MAP2K2: variants seen among roughly 807,000 people sequenced by gnomAD.
MAP2K2 encodes the protein dual specificity mitogen-activated protein kinase kinase 2.
In MAP2K2, 24 loss-of-function variants were observed where a neutral mutation model predicts 43.7. That is an observed-to-expected ratio of 0.55 (90% CI 0.40 to 0.77). The LOEUF (loss-of-function observed/expected upper bound fraction) is 0.77, where lower values mean the gene tolerates loss of function less well. Among genes scored for constraint, MAP2K2 ranks in the 30% least tolerant of loss-of-function variants. MAP2K2 has a pLI of 0.00. For synonymous variants in MAP2K2, 244 were observed against 239.7 expected, an observed-to-expected ratio of 1.02 and a Z score of -0.17; for missense variants, 470 against 566.8, an observed-to-expected ratio of 0.83 and a Z score of 1.73.
chr19:4,102,731 G>T, intron 3 of MAP2K2: 2 of 1,292,280 alleles, frequency 1.5e-6, no homozygotes, highest in South Asian at 1.5e-5. Flanking sequence ...TCCTGAGGTC[G>T]CCACGGCAGA....
At chr19:4,112,331 G>A (rs1043376337) in intron 2 of MAP2K2, among the ~76,000 whole-genome samples, 3 of 152,192 alleles carry the variant, frequency 2.0e-5, no homozygotes, top group Non-Finnish European at 2.9e-5. Flanking sequence ...GGTGCCTGGG[G>A]AGCAGCAACA....
At chr19:4,095,081 C>A (rs1220388108) in intron 9 of MAP2K2, 1 of 397,782 alleles carries the variant, frequency 2.5e-6, no homozygotes, top group East Asian at 4.3e-5. Flanking sequence ...ACAGTCAGCA[C>A]ACCAGGGGTC....
At chr19:4,097,424 T>A in intron 7 of MAP2K2, 81 bp from the exon 8 acceptor site, 1 of 1,074,078 alleles carries the variant, frequency 9.3e-7, no homozygotes, top group Non-Finnish European at 1.4e-6. Flanking sequence ...AGGGGGCTGA[T>A]CACCACCAGG....
At chr19:4,097,443 TCCA>T in intron 7 of MAP2K2, 100 bp from the exon 8 acceptor site, 1 of 847,298 alleles carries the variant, frequency 1.2e-6, no homozygotes. Flanking sequence ...GGCGCCCTCC[TCCA>T]CATGCCAGCC....
At chr19:4,111,420 G>A (rs890622831) in intron 2 of MAP2K2, among the ~76,000 whole-genome samples, 1 of 152,180 alleles carries the variant, frequency 6.6e-6, no homozygotes, top group Non-Finnish European at 1.5e-5. Context: ...GCCTTTCCCA[G>A]GAGGGAGGCA....
chr19:4,102,534 G>C (rs921291616), intron 3 of MAP2K2, 81 bp from the exon 4 acceptor site: 3 of 1,142,776 alleles, frequency 2.6e-6, no homozygotes, highest in South Asian at 2.6e-5. Context: ...CTCCCGGCGA[G>C]GGGGTGGTCT....
At position 4,093,499 on chromosome 19, in the gene MAP2K2, T is replaced by A. The variant is rs148776477; in HGVS notation, c.1092+954A>T. Among the ~76,000 whole-genome samples, 1,273 of 152,192 alleles carry A rather than the reference T, an allele frequency of 8.4e-3. 15 individuals carry two copies. Among genetic ancestry groups the A allele is most frequent in the African/African-American group, 0.029 (1,206 of 41,512 alleles). ...TGAGGTCAGGAGTTTGAGGCCAGCC[T>A]GGACAACATGGTGAAAGCCTGTTTC... On this transcript the variant is annotated intron_variant, in intron 10 of 10. Coordinates refer to ENST00000262948, the MANE Select transcript of MAP2K2 (RefSeq NM_030662.4).
At chr19:4,118,600 C>G (rs533066323) in intron 1 of MAP2K2, among the ~76,000 whole-genome samples, 2 of 151,314 alleles carry the variant, frequency 1.3e-5, no homozygotes, top group Non-Finnish European at 2.9e-5. Context: ...AACCAAAAAA[C>G]AAAAAAAACA....
At position 4,103,295 on chromosome 19, in the gene MAP2K2, T is replaced by C. The variant is rs996134260; in HGVS notation, c.451-842A>G. 16 of 979,910 alleles carry C rather than the reference T, an allele frequency of 1.6e-5. No homozygotes were observed. In the African/African-American group the frequency reaches 2.1e-4, roughly 13 times the overall value. The allele number at this position is 979,910 out of a possible 1,614,324, so 60.7% of individuals were successfully genotyped here. A position where few individuals can be genotyped will look rare whatever the true frequency, so the allele number is the denominator to read the frequency against. ...CATAAATGATGAAACAGAAATTCCA[T>C]GTCTTGCCCAAGGCTGCCTGGCAAC... On this transcript the variant is annotated intron_variant, in intron 3 of 10. Transcript: ENST00000262948.
At chr19:4,117,990 T>C (rs1381842513) in intron 1 of MAP2K2, among the ~76,000 whole-genome samples, 2 of 152,142 alleles carry the variant, frequency 1.3e-5, no homozygotes, top group African/African-American at 4.8e-5. Flanking sequence ...CAGGCTGGAA[T>C]GCAGTGGCGC....
rs563195930 is a variant in MAP2K2 at position 4,120,505 on chromosome 19, C to T, written c.93-2876G>A. On this transcript the variant is annotated intron_variant, in intron 1 of 10. Coordinates refer to ENST00000262948, the MANE Select transcript of MAP2K2 (RefSeq NM_030662.4). Reference sequence around the variant, plus strand: ...ATTTTTTTGGCATTTTTAATAGAGACGGGGTTTTGCCATGTTGGCCAGGTT... The same window carrying T: ...ATTTTTTTGGCATTTTTAATAGAGATGGGGTTTTGCCATGTTGGCCAGGTT... 2.6e-5 allele frequency among the ~76,000 whole-genome samples: 4 copies of T among 152,172 alleles called. No homozygotes were observed. In the South Asian group the frequency reaches 6.2e-4, roughly 24 times the overall value.
intron 1 of MAP2K2, 68 bp downstream of exon 1, chr19:4,123,716 C>T: frequency 7.8e-7 from 1 of 1,283,686 alleles, no homozygotes; most frequent in Non-Finnish European, 1.1e-6. Context: ...CGTCCCCTCG[C>T]CCCGTCCTTC....
chr19:4,118,824 T>C (rs2041259532), intron 1 of MAP2K2, among the ~76,000 whole-genome samples: 1 of 152,180 alleles, frequency 6.6e-6, no homozygotes, highest in African/African-American at 2.4e-5. Flanking sequence ...AGCAAGTACA[T>C]TGCACTTTAT....
rs150940083 is a variant in MAP2K2, at chr19:4,116,592, C to T, written c.303+827G>A. ...TGAGAAATCCCTCTCTGGGCGATGTCGTCACTGTGCAAACACTGGAAAGCC... is the reference window on the plus strand; with the variant it reads ...TGAGAAATCCCTCTCTGGGCGATGTTGTCACTGTGCAAACACTGGAAAGCC... On this transcript the variant is annotated intron_variant, in intron 2 of 10. Coordinates refer to ENST00000262948, the MANE Select transcript of MAP2K2 (RefSeq NM_030662.4). 8.5e-5 allele frequency among the ~76,000 whole-genome samples: 13 copies of T among 152,232 alleles called. No homozygotes were observed. In the East Asian group the frequency reaches 2.1e-3, roughly 25 times the overall value.
At chr19:4,119,536 T>G (rs1217467166) in intron 1 of MAP2K2, among the ~76,000 whole-genome samples, 1 of 152,226 alleles carries the variant, frequency 6.6e-6, no homozygotes, top group Non-Finnish European at 1.5e-5. Context: ...TTAATTTTAA[T>G]AACACATTTG....
Position 4,102,361 on chromosome 19 carries a change from C to T in MAP2K2, c.528+15G>A, listed in dbSNP as rs749004519. 1.3e-6 allele frequency: 2 copies of T among 1,583,834 alleles called. No homozygotes were observed. The highest frequency in any genetic ancestry group is 4.6e-5 in the East Asian group (2 of 43,860). ...AGTGCGGTGGGGGCGCGATGTGGGT[C>T]TGCGGTGGACTCACCGCGATGCTGA... On this transcript the variant is annotated intron_variant, in intron 4 of 10. Coordinates refer to ENST00000262948, the MANE Select transcript of MAP2K2 (RefSeq NM_030662.4).
chr19:4,102,784 G>A (rs991379117), intron 3 of MAP2K2: 2 of 1,258,206 alleles, frequency 1.6e-6, no homozygotes, highest in Non-Finnish European at 1.0e-6. Context: ...GGGGGCTCAG[G>A]CAGCTGTGGG....
At chr19:4,099,978 G>A (rs149245690) in intron 6 of MAP2K2, 8,296 of 166,716 alleles carry the variant, frequency 0.05, 735 homozygotes, top group African/African-American at 0.19. Flanking sequence ...TGCCGGGCAC[G>A]GTGGCTCACG....
rs2145049808 is a variant in MAP2K2, at chr19:4,099,256, T to C, written c.864A>G (p.Glu288=). The change falls in exon 7 of 11, where the codon GAA becomes GAG. Residue 288 remains glutamate, a synonymous_variant. Transcript: ENST00000262948. ...GAGGCGAGATGCTGTGAGGCTCTCC[T>C]TCTTCCCCGTCGACCACGGGCCGGC... is the stretch of plus-strand genomic sequence containing the variant. The part of the protein sequence containing the change: ...IFGRPVVDGE[E]GEPHSISPRP... 2 of 1,605,934 alleles carry C rather than the reference T, an allele frequency of 1.2e-6. No homozygotes were observed. Among genetic ancestry groups the C allele is most frequent in the Non-Finnish European group, 1.7e-6 (2 of 1,176,784 alleles).
Sources: allele counts gnomAD v4.1 joint callset (sites outside exome capture counted in the v4.1 genomes callset), GRCh38; gene constraint gnomAD v4.1.1; transcripts MANE v1.5; gene names NCBI Gene and HGNC (gene_info 2026-07-23, HGNC 2026-07-21).